The following TRIQK variants were observed in gnomAD, a reference collection of about 807,000 sequenced individuals.
The protein encoded by TRIQK is triple QxxK/R motif containing, also known as triple QxxK/R motif-containing protein.
A neutral mutation model predicts 10.8 loss-of-function variants in TRIQK; 10 were observed. The observed-to-expected ratio is 0.92, with a 90% confidence interval of 0.57 to 1.57. The LOEUF (loss-of-function observed/expected upper bound fraction) is 1.57, where lower values mean the gene tolerates loss of function less well. TRIQK is among the 40% of genes most tolerant of loss of function. The pLI is 0.00. For synonymous variants in TRIQK, 33 were observed against 33.7 expected (o/e 0.98, Z 0.07); for missense variants, 107 against 97.7 (o/e 1.09, Z -0.40).
chr8:92,907,903 T>C (rs1471382851), intron 3 of TRIQK, among the ~76,000 whole-genome samples: 1 of 152,134 alleles, frequency 6.6e-6, no homozygotes, highest in South Asian at 2.1e-4. Flanking sequence ...AAATAATAAC[T>C]ATTTAAATAC....
At chr8:92,935,340 T>C (rs1426799115) in intron 2 of TRIQK, among the ~76,000 whole-genome samples, 1 of 151,802 alleles carries the variant, frequency 6.6e-6, no homozygotes, top group Non-Finnish European at 1.5e-5. Context: ...TGTTTAGAAA[T>C]TATTGCTAAA....
chr8:92,901,663 G>C (rs947739704), intron 3 of TRIQK, among the ~76,000 whole-genome samples: 4 of 151,888 alleles, frequency 2.6e-5, no homozygotes, highest in African/African-American at 9.7e-5. Context: ...TTTGGTTGAG[G>C]ATTTTTGCAT....
intron 1 of TRIQK, among the ~76,000 whole-genome samples, chr8:93,016,861 A>G (rs1056788095): frequency 6.6e-6 from 1 of 152,204 alleles, no homozygotes; most frequent in Non-Finnish European, 1.5e-5. Context: ...GGCTAGCAAA[A>G]GAAGTGCTAG....
chr8:92,977,594 A>G (rs1398629531), intron 1 of TRIQK, among the ~76,000 whole-genome samples: 1 of 152,080 alleles, frequency 6.6e-6, no homozygotes, highest in East Asian at 1.9e-4. Context: ...ATAACTGCTT[A>G]TCATCCTTTT....
intron 3 of TRIQK, among the ~76,000 whole-genome samples, chr8:92,909,734 A>G (rs1397684138): frequency 6.6e-6 from 1 of 151,752 alleles, no homozygotes; most frequent in African/African-American, 2.4e-5. Flanking sequence ...CCAAGCAAAA[A>G]TTTATACATG....
In TRIQK at chr8:92,883,636, T is replaced by G. The variant is rs568752875; in HGVS notation, c.*2986A>C. 7 of 151,888 alleles carry G rather than the reference T, an allele frequency of 4.6e-5. No homozygotes were observed. Among genetic ancestry groups the G allele is most frequent in the African/African-American group, 1.7e-4 (7 of 41,504 alleles). The allele number at this position is 151,888 out of a possible 1,614,324, so 9.4% of individuals were successfully genotyped here. A position where few individuals can be genotyped will look rare whatever the true frequency, so the allele number is the denominator to read the frequency against. Reference sequence around the variant, plus strand: ...CTGAGAGGACTAAAAGGCATCAACTTAAATTTTAACATGCATTTATTAAAT... The same window carrying G: ...CTGAGAGGACTAAAAGGCATCAACTGAAATTTTAACATGCATTTATTAAAT... On this transcript the variant is annotated 3_prime_UTR_variant, in exon 5 of 5. Coordinates refer to ENST00000521988, the MANE Select transcript of TRIQK (RefSeq NM_001171797.2).
chr8:92,921,117 A>T (rs1451514733), intron 2 of TRIQK, among the ~76,000 whole-genome samples: 4 of 151,662 alleles, frequency 2.6e-5, no homozygotes, highest in Non-Finnish European at 5.9e-5. Flanking sequence ...TTGCAGGTAT[A>T]AAGCAGTTAT....
chr8:92,996,418 A>G (rs1813154174), intron 1 of TRIQK, among the ~76,000 whole-genome samples: 1 of 152,062 alleles, frequency 6.6e-6, no homozygotes, highest in Non-Finnish European at 1.5e-5. Context: ...ATAAATCAAG[A>G]CATGTAAGCA....
At chr8:92,951,184 G>A (rs1033825979) in intron 2 of TRIQK, among the ~76,000 whole-genome samples, 4 of 151,474 alleles carry the variant, frequency 2.6e-5, no homozygotes, top group African/African-American at 9.7e-5. Flanking sequence ...ATTCATGGAT[G>A]CAAAACCCTT....
chr8:92,983,557 T>C (rs989342811), intron 1 of TRIQK, among the ~76,000 whole-genome samples: 2 of 152,062 alleles, frequency 1.3e-5, no homozygotes, highest in African/African-American at 4.8e-5. Flanking sequence ...AAAGTAAGAA[T>C]AAAGAATCAC....
intron 3 of TRIQK, among the ~76,000 whole-genome samples, chr8:92,910,103 T>A (rs1227575112): frequency 6.6e-6 from 1 of 151,542 alleles, no homozygotes; most frequent in Non-Finnish European, 1.5e-5. Context: ...ATTGATTATT[T>A]AAATATTTAT....
chr8:92,929,592 C>T (rs1810607945), intron 2 of TRIQK: 1 of 152,124 alleles, frequency 6.6e-6, no homozygotes, highest in Non-Finnish European at 1.5e-5. Context: ...AGACAAAAAG[C>T]TGCCTTGTAA....
chr8:92,898,833 G>GTGTATATATA (rs1256723943), intron 3 of TRIQK, among the ~76,000 whole-genome samples: 15 of 73,916 alleles, frequency 2.0e-4, no homozygotes, highest in East Asian at 4.9e-4. Context: ...GTGTGTGTGT[G>GTGTATATATA]TATATATATA....
chr8:92,982,374 C>A (rs74378839), intron 1 of TRIQK, among the ~76,000 whole-genome samples: 88 of 152,024 alleles, frequency 5.8e-4, no homozygotes, highest in African/African-American at 2.1e-3. Context: ...TTATGTATTA[C>A]GTGTTTCTTA....
At chr8:92,945,716 G>C (rs1245260104) in intron 2 of TRIQK, among the ~76,000 whole-genome samples, 1 of 152,072 alleles carries the variant, frequency 6.6e-6, no homozygotes, top group Non-Finnish European at 1.5e-5. Flanking sequence ...GCATGTGCAG[G>C]CATGGATATT....
chr8:92,962,179 A>T (rs1351672079), intron 1 of TRIQK, among the ~76,000 whole-genome samples: 1 of 152,198 alleles, frequency 6.6e-6, no homozygotes, highest in Non-Finnish European at 1.5e-5. Context: ...AGGAAATTTG[A>T]GAATATCAAA....
At chr8:92,943,804 CA>C (rs1308573863) in intron 2 of TRIQK, among the ~76,000 whole-genome samples, 1 of 151,926 alleles carries the variant, frequency 6.6e-6, no homozygotes, top group East Asian at 1.9e-4. Context: ...GGTAAGATCC[CA>C]AAAGCACAGG....
intron 1 of TRIQK, among the ~76,000 whole-genome samples, chr8:92,987,370 A>G (rs1379267401): frequency 6.6e-6 from 1 of 152,224 alleles, no homozygotes; most frequent in Non-Finnish European, 1.5e-5. Context: ...GTTTCTTAAA[A>G]ACCAACTAAA....
At chr8:92,901,046 A>C (rs1250217378) in intron 3 of TRIQK, among the ~76,000 whole-genome samples, 3 of 151,724 alleles carry the variant, frequency 2.0e-5, no homozygotes, top group Non-Finnish European at 4.4e-5. Flanking sequence ...ACTCTTTGCT[A>C]TTGTCATATG....
Sources: allele counts gnomAD v4.1 joint callset (sites outside exome capture counted in the v4.1 genomes callset), GRCh38; gene constraint gnomAD v4.1.1; transcripts MANE v1.5; gene names NCBI Gene and HGNC (gene_info 2026-07-23, HGNC 2026-07-21).